Variants in DCAF6 observed in about 807,000 individuals in gnomAD.
The protein encoded by DCAF6 is DDB1- and CUL4-associated factor 6.
A neutral mutation model predicts 125.1 loss-of-function variants in DCAF6; 54 were observed. The ratio of observed to expected loss-of-function variants is 0.43; its 90% confidence interval spans 0.35 to 0.54. The LOEUF (loss-of-function observed/expected upper bound fraction) is 0.54. DCAF6 is among the 20% of genes least tolerant of loss of function. DCAF6 has a pLI of 0.01. For missense variants in DCAF6, 934 were observed against 1,161.7 expected (o/e 0.80, Z 2.85); for synonymous variants, 371 against 390.4 (o/e 0.95, Z 0.58).
chr1:167,883,649 T>C, the DCAF6 span: 1 of 1,613,858 alleles, frequency 6.2e-7, no homozygotes, highest in Non-Finnish European at 8.5e-7. Flanking sequence ...GAGAGCAGCT[T>C]TCTGTAGGTG....
chr1:167,924,504 A>T, the DCAF6 span: 1 of 1,590,842 alleles, frequency 6.3e-7, no homozygotes. Flanking sequence ...TACCCATTTC[A>T]TAATTGGAGC....
At chr1:168,042,984 T>G (rs753070664) in intron 13 of DCAF6, 41 bp from the exon 14 acceptor site, 28 of 1,437,592 alleles carry the variant, frequency 1.9e-5, no homozygotes, top group Non-Finnish European at 2.4e-5. Context: ...ATCATATTGA[T>G]TAACTTCTTG....
At chr1:167,876,257 C>CAAA in the DCAF6 span, among the ~76,000 whole-genome samples, 198 of 85,124 alleles carry the variant, frequency 2.3e-3, 1 homozygote, top group Middle Eastern at 6.8e-3. Context: ...AGCTCCATCT[C>CAAA]AAAAAAAAAA....
chr1:167,943,642 T>G (rs1672603586), intron 1 of DCAF6, among the ~76,000 whole-genome samples: 1 of 152,190 alleles, frequency 6.6e-6, no homozygotes, highest in Non-Finnish European at 1.5e-5. Flanking sequence ...TTTGTCCTCA[T>G]TAACGAATTT....
intron 12 of DCAF6, among the ~76,000 whole-genome samples, chr1:168,026,984 A>G (rs144919338): frequency 6.6e-6 from 1 of 152,174 alleles, no homozygotes; most frequent in East Asian, 1.9e-4. Flanking sequence ...ATGATGAGAG[A>G]AGTACGCAGG....
At chr1:167,880,424 C>A in the DCAF6 span, 1 of 1,173,654 alleles carries the variant, frequency 8.5e-7, no homozygotes. Context: ...CTGTTCCCTG[C>A]ATGCCCTCCC....
intron 11 of DCAF6, among the ~76,000 whole-genome samples, chr1:168,020,938 C>G (rs1313443230): frequency 6.6e-6 from 1 of 152,068 alleles, no homozygotes; most frequent in Non-Finnish European, 1.5e-5. Flanking sequence ...TAAAATTAAT[C>G]TTCAAGATGG....
chr1:168,019,458 A>C, intron 11 of DCAF6: 1 of 402,674 alleles, frequency 2.5e-6, no homozygotes, highest in South Asian at 1.8e-5. Context: ...CTATATGTAC[A>C]TGTATCAGAT....
At chr1:167,972,611 A>G (rs972073331) in intron 3 of DCAF6, among the ~76,000 whole-genome samples, 5 of 152,232 alleles carry the variant, frequency 3.3e-5, no homozygotes, top group African/African-American at 9.6e-5. Context: ...GGCACAGATA[A>G]TGACATTGGA....
chr1:168,005,966 C>T (rs931546253), intron 10 of DCAF6, among the ~76,000 whole-genome samples: 1 of 151,984 alleles, frequency 6.6e-6, no homozygotes, highest in African/African-American at 2.4e-5. Flanking sequence ...GAATTAAAAG[C>T]AGAAGTAGTT....
At chr1:168,011,050 G>A (rs892708247) in intron 10 of DCAF6, among the ~76,000 whole-genome samples, 2 of 151,104 alleles carry the variant, frequency 1.3e-5, no homozygotes, top group Non-Finnish European at 2.9e-5. Context: ...ATTGAGAAGT[G>A]AATCACTTAA....
chr1:167,926,632 C>T, the DCAF6 span, among the ~76,000 whole-genome samples: 1 of 150,780 alleles, frequency 6.6e-6, no homozygotes, highest in African/African-American at 2.4e-5. Flanking sequence ...GCTGCTGCTG[C>T]TGCCGCTGCT....
chr1:167,883,082 G>T, the DCAF6 span, among the ~76,000 whole-genome samples: 1 of 152,254 alleles, frequency 6.6e-6, no homozygotes, highest in African/African-American at 2.4e-5. Context: ...CTATAGCCCA[G>T]GCTGGAGCGC....
chr1:168,069,815 G>C (rs866600498), intron 21 of DCAF6, among the ~76,000 whole-genome samples: 1 of 151,996 alleles, frequency 6.6e-6, no homozygotes, highest in African/African-American at 2.4e-5. Context: ...GATCTTCTTT[G>C]GGTTCCTGTA....
intron 1 of DCAF6, among the ~76,000 whole-genome samples, chr1:167,947,794 T>C (rs1256315940): frequency 6.6e-6 from 1 of 152,238 alleles, no homozygotes; most frequent in Admixed American, 6.5e-5. Flanking sequence ...TAACATATGG[T>C]CTGTCTTGGA....
At chr1:167,903,015 G>A in the DCAF6 span, among the ~76,000 whole-genome samples, 2 of 152,224 alleles carry the variant, frequency 1.3e-5, no homozygotes, top group Non-Finnish European at 2.9e-5. Flanking sequence ...AGCACTTTGG[G>A]AGGCTGAGGT....
In DCAF6 at chr1:167,966,506, T is replaced by G; in HGVS notation, c.160-123T>G. The G allele has an allele frequency of 2.1e-5, 14 of 681,188 alleles. No homozygotes were observed. The South Asian group carries it at 2.1e-4, about 10-fold the overall frequency. 42.2% of individuals were successfully genotyped at this position (681,188 alleles called of 1,614,324 possible). ...AGCCATAAGATTGGACACCCCTATG[T>G]TAAATACTTTTTAACGTATAACCTC... On this transcript the variant is annotated intron_variant, in intron 2 of 21. Coordinates refer to ENST00000367840, the MANE Select transcript of DCAF6 (RefSeq NM_001198956.2).
Position 167,983,979 on chromosome 1 carries a change from T to TAA in DCAF6, c.439-3515_439-3514insAA, listed in dbSNP as rs547097157. ...GGAGTCTCAAACTTGTTTTGTGACT[T>TAA]ACAGTGGCTGCGAAGTTACTGTTTT... On this transcript the variant is annotated intron_variant, in intron 4 of 21. Coordinates refer to ENST00000367840, the MANE Select transcript of DCAF6 (RefSeq NM_001198956.2). Among the ~76,000 whole-genome samples the TAA allele has an allele frequency of 7.7e-4, 118 of 152,290 alleles. 1 individual carries two copies. In the South Asian group the frequency reaches 0.023, roughly 29 times the overall value.
At chr1:167,994,084 T>G (rs1329348523) in intron 7 of DCAF6, among the ~76,000 whole-genome samples, 1 of 151,956 alleles carries the variant, frequency 6.6e-6, no homozygotes, top group Non-Finnish European at 1.5e-5. Flanking sequence ...TAATTAATAG[T>G]AAATAATTAC....
Sources: allele counts gnomAD v4.1 joint callset (sites outside exome capture counted in the v4.1 genomes callset), GRCh38; gene constraint gnomAD v4.1.1; transcripts MANE v1.5; gene names NCBI Gene and HGNC (gene_info 2026-07-23, HGNC 2026-07-21).